Variants in PCDH9 observed in about 807,000 individuals in gnomAD.
PCDH9 encodes the protein protocadherin-9.
In PCDH9, 24 loss-of-function variants were observed where a neutral mutation model predicts 70.6. The ratio of observed to expected loss-of-function variants is 0.34; its 90% CI spans 0.25 to 0.48. The LOEUF (loss-of-function observed/expected upper bound fraction) is 0.48, where lower values mean the gene tolerates loss of function less well. Among genes scored for constraint, PCDH9 ranks in the 20% least tolerant of loss-of-function variants. The probability of loss-of-function intolerance (pLI) is 0.99; values close to 1 mark genes in which losing one functional copy is unlikely to be tolerated. For synonymous variants in PCDH9, 562 were observed against 558.5 expected, an observed-to-expected ratio of 1.01 and a Z score of -0.09; for missense variants, 1,281 against 1,503.6, an observed-to-expected ratio of 0.85 and a Z score of 2.45.
chr13:67,171,298 C>T (rs530182494), intron 2 of PCDH9, among the ~76,000 whole-genome samples: 3 of 152,166 alleles, frequency 2.0e-5, no homozygotes, highest in South Asian at 2.1e-4. Context: ...ATATATGAGT[C>T]GGGGTAGAAT....
chr13:66,849,515 T>TAGAGAGAGAGAGAGAGAGAG (rs1315844570), intron 3 of PCDH9, among the ~76,000 whole-genome samples: 11 of 72,520 alleles, frequency 1.5e-4, no homozygotes, highest in Admixed American at 6.8e-4. Context: ...TATATATATA[T>TAGAGAGAGAGAGAGAGAGAG]ATAGAGAGAG....
chr13:67,063,828 T>C (rs559969613), intron 2 of PCDH9, among the ~76,000 whole-genome samples: 61 of 152,208 alleles, frequency 4.0e-4, no homozygotes, highest in Non-Finnish European at 7.3e-4. Flanking sequence ...ATTGTTTCTA[T>C]TTCTTACAAC....
chr13:66,708,152 C>T (rs2078739443), intron 3 of PCDH9, among the ~76,000 whole-genome samples: 1 of 151,094 alleles, frequency 6.6e-6, no homozygotes, highest in Non-Finnish European at 1.5e-5. Flanking sequence ...CGGGTTCACG[C>T]CATTCTCCTG....
intron 2 of PCDH9, among the ~76,000 whole-genome samples, chr13:66,930,665 G>A (rs932461387): frequency 2.6e-5 from 4 of 151,992 alleles, no homozygotes; most frequent in Admixed American, 1.3e-4. Flanking sequence ...GAGGGAAGAA[G>A]GTGGAACCAA....
At chr13:66,800,638 T>G (rs547088392) in intron 3 of PCDH9, among the ~76,000 whole-genome samples, 2 of 152,094 alleles carry the variant, frequency 1.3e-5, no homozygotes, top group Admixed American at 6.6e-5. Flanking sequence ...ATCTAAAAAT[T>G]TGTAGGTTAG....
chr13:66,509,430 A>T (rs1338497340), intron 4 of PCDH9, among the ~76,000 whole-genome samples: 1 of 152,178 alleles, frequency 6.6e-6, no homozygotes, highest in Non-Finnish European at 1.5e-5. Context: ...CTAGTCAAAG[A>T]GTAAACACAT....
At chr13:66,506,525 T>TTAGA (rs1286330893) in intron 4 of PCDH9, among the ~76,000 whole-genome samples, 1 of 152,158 alleles carries the variant, frequency 6.6e-6, no homozygotes, top group Non-Finnish European at 1.5e-5. Flanking sequence ...ATAGAAAAGA[T>TTAGA]TAGATAGTTA....
At chr13:66,700,962 A>G (rs1325068157) in intron 3 of PCDH9, among the ~76,000 whole-genome samples, 1 of 115,872 alleles carries the variant, frequency 8.6e-6, no homozygotes, top group Admixed American at 8.5e-5. Context: ...ATATATATAT[A>G]TATATATACT....
chr13:66,406,761 C>A (rs199925926), intron 4 of PCDH9, among the ~76,000 whole-genome samples: 1 of 152,046 alleles, frequency 6.6e-6, no homozygotes, highest in African/African-American at 2.4e-5. Flanking sequence ...CGAAAACAAA[C>A]AAATAACTAA....
chr13:66,914,814 T>C (rs1258364690), intron 2 of PCDH9: 2 of 151,792 alleles, frequency 1.3e-5, no homozygotes, highest in Non-Finnish European at 3.0e-5. Flanking sequence ...ATCTCACAGA[T>C]ATATTCAGCA....
At chr13:67,072,825 T>G (rs2085794540) in intron 2 of PCDH9, among the ~76,000 whole-genome samples, 1 of 152,080 alleles carries the variant, frequency 6.6e-6, no homozygotes. Context: ...AACACTAAAA[T>G]TAAAAATAAA....
intron 3 of PCDH9, among the ~76,000 whole-genome samples, chr13:66,832,920 T>G (rs2080953762): frequency 6.6e-6 from 1 of 152,140 alleles, no homozygotes; most frequent in Non-Finnish European, 1.5e-5. Flanking sequence ...CTCTACTACC[T>G]ATACTTGCAG....
chr13:66,705,872 A>G (rs1032516803), intron 3 of PCDH9, among the ~76,000 whole-genome samples: 2 of 152,172 alleles, frequency 1.3e-5, no homozygotes, highest in African/African-American at 4.8e-5. Context: ...AATATATTCA[A>G]TTGCTCATTA....
chr13:67,109,287 T>C (rs2086609471), intron 2 of PCDH9, among the ~76,000 whole-genome samples: 1 of 152,220 alleles, frequency 6.6e-6, no homozygotes, highest in South Asian at 2.1e-4. Flanking sequence ...ACCCTAACAT[T>C]ATTTTTACCA....
At chr13:66,983,929 A>G (rs940206959) in intron 2 of PCDH9, among the ~76,000 whole-genome samples, 39 of 151,972 alleles carry the variant, frequency 2.6e-4, no homozygotes, top group African/African-American at 7.0e-4. Context: ...AGATAATCCA[A>G]TGAAAAATAT....
chr13:67,130,323 T>C (rs2138327886), intron 2 of PCDH9, among the ~76,000 whole-genome samples: 1 of 152,006 alleles, frequency 6.6e-6, no homozygotes, highest in East Asian at 1.9e-4. Flanking sequence ...ATGCAAAACT[T>C]TAAGATGACT....
At chr13:66,751,231 T>C (rs530946014) in intron 3 of PCDH9, among the ~76,000 whole-genome samples, 3 of 152,234 alleles carry the variant, frequency 2.0e-5, no homozygotes, top group South Asian at 2.1e-4. Flanking sequence ...TTTCATTTTA[T>C]AGATACATGA....
At chr13:67,221,058 C>A (rs578142941) in intron 2 of PCDH9, 1 of 152,010 alleles carries the variant, frequency 6.6e-6, no homozygotes, top group East Asian at 1.9e-4. Context: ...AGCCAAAGAG[C>A]CATAGAAATA....
At chr13:66,510,629 C>A (rs549731685) in intron 4 of PCDH9, among the ~76,000 whole-genome samples, 8 of 152,054 alleles carry the variant, frequency 5.3e-5, no homozygotes, top group African/African-American at 1.9e-4. Context: ...TTTGTCCTTG[C>A]GATAGTTTGC....
Sources: allele counts gnomAD v4.1 joint callset (sites outside exome capture counted in the v4.1 genomes callset), GRCh38; gene constraint gnomAD v4.1.1; transcripts MANE v1.5; gene names NCBI Gene and HGNC (gene_info 2026-07-23, HGNC 2026-07-21).